CAP1: variants seen among roughly 807,000 people sequenced by gnomAD.
CAP1 encodes adenylyl cyclase-associated protein 1.
In CAP1, 11 loss-of-function variants were observed where a neutral mutation model predicts 58.2. That is an observed-to-expected ratio of 0.19 (90% CI 0.12 to 0.31). The LOEUF (loss-of-function observed/expected upper bound fraction) is 0.31, where lower values mean the gene tolerates loss of function less well. CAP1 is among the 10% of genes least tolerant of loss of function. The pLI is 1.00. For missense variants in CAP1, 423 were observed against 587.5 expected, an observed-to-expected ratio of 0.72 and a Z score of 2.89; for synonymous variants, 183 against 213.8, an observed-to-expected ratio of 0.86 and a Z score of 1.26.
intron 1 of CAP1, among the ~76,000 whole-genome samples, chr1:40,055,120 A>G (rs141236465): frequency 1.8e-3 from 276 of 152,326 alleles, no homozygotes; most frequent in African/African-American, 6.1e-3. Flanking sequence ...AAAACATCTA[A>G]GCAGAGTGGA....
At chr1:40,046,710 T>C (rs1157967102) in intron 1 of CAP1, among the ~76,000 whole-genome samples, 1 of 152,178 alleles carries the variant, frequency 6.6e-6, no homozygotes, top group East Asian at 1.9e-4. Flanking sequence ...ACCTGTATAG[T>C]ATGTTACTGT....
At chr1:40,054,983 C>T (rs1458820078) in intron 1 of CAP1, among the ~76,000 whole-genome samples, 4 of 152,120 alleles carry the variant, frequency 2.6e-5, no homozygotes, top group African/African-American at 9.7e-5. Flanking sequence ...CCAGTGTGTG[C>T]AGTGTTGTGA....
rs979009770 is a variant in CAP1 at position 40,063,094 on chromosome 1, T to G, written c.295-1133T>G. ...CTCACTGAAGCCTTGACCTCCCAGG[T>G]GTAATGATCCTCCCACCTCAGCCTC... On this transcript the variant is annotated intron_variant, in intron 4 of 12. Coordinates refer to ENST00000372805, the MANE Select transcript of CAP1 (RefSeq NM_006367.4). 6.6e-5 allele frequency among the ~76,000 whole-genome samples: 10 copies of G among 152,108 alleles called. 1 individual carries two copies. The South Asian group carries it at 1.7e-3, about 25-fold the overall frequency.
chr1:40,067,797 C>G (rs897601778), intron 8 of CAP1, 80 bp downstream of exon 8: 1 of 1,037,478 alleles, frequency 9.6e-7, no homozygotes, highest in Non-Finnish European at 1.4e-6. Flanking sequence ...CGTCTGTAAA[C>G]TACAACCCTG....
At position 40,067,707 on chromosome 1, in the gene CAP1, C is replaced by G. The variant is rs766211189; in HGVS notation, c.798C>G (p.Ser266Arg). 1.1e-4 allele frequency: 181 copies of G among 1,599,284 alleles called. No homozygotes were observed. Among genetic ancestry groups the G allele is most frequent in the Non-Finnish European group, 1.4e-4 (169 of 1,172,718 alleles). Residue 266 changes from serine (S) to arginine (R), a missense_variant, in exon 8 of 13, where the codon AGC (serine) becomes AGG (arginine). Transcript: ENST00000372805. The stretch of plus-strand genomic sequence containing the variant: ...TCGCGCAGATTAATCAGGGGGAGAG[C>G]ATTACACATGGTGAGTGAGCACTTG... The part of the protein sequence containing the change: ...SLFAQINQGE[S>R]ITHALKHVSD...
chr1:40,068,920 C>G (rs1266033658), intron 8 of CAP1, among the ~76,000 whole-genome samples: 2 of 151,974 alleles, frequency 1.3e-5, no homozygotes, highest in Non-Finnish European at 2.9e-5. Context: ...GCAATCTCTG[C>G]CTCCCAGGTT....
chr1:40,045,996 C>A (rs1646080904), intron 1 of CAP1, among the ~76,000 whole-genome samples: 1 of 152,162 alleles, frequency 6.6e-6, no homozygotes, highest in South Asian at 2.1e-4. Context: ...CAGATGTGAT[C>A]TTAAGAGAAG....
At position 40,040,758 on chromosome 1, in the gene CAP1, G is replaced by C. The variant is rs968983481; in HGVS notation, c.-54G>C. The C allele has an allele frequency of 6.5e-6, 1 of 153,124 alleles. No homozygotes were observed. Among genetic ancestry groups the C allele is most frequent in the East Asian group, 1.9e-4 (1 of 5,198 alleles). 9.5% of individuals were successfully genotyped at this position (153,124 alleles called of 1,614,324 possible). A position where few individuals can be genotyped will look rare whatever the true frequency, so the allele number is the denominator to read the frequency against. On this transcript the variant is annotated 5_prime_UTR_variant, in exon 1 of 13. Coordinates refer to ENST00000372805, the MANE Select transcript of CAP1 (RefSeq NM_006367.4). ...TTGCTGGGCGGTTCTTGCCGGAAGC[G>C]GAGAGCGGCTGATCGCAGTCCGGAG...
chr1:40,065,896 C>T (rs949634136), intron 6 of CAP1, among the ~76,000 whole-genome samples: 10 of 151,642 alleles, frequency 6.6e-5, no homozygotes, highest in Non-Finnish European at 1.0e-4. Flanking sequence ...TTAAGGTCTA[C>T]TTTGAAAAAA....
Position 40,070,980 on chromosome 1 carries a change from G to T in CAP1, c.1344+1G>T, listed in dbSNP as rs1647836792. The T allele has an allele frequency of 6.2e-7, 1 of 1,608,842 alleles. No individual in the cohort carries two copies. ...CATTCCTACAGAAGGCGGTGACTTTGTAAGTTTCTTGATCTCTTTAGTATG... is the reference window on the plus strand; with the variant it reads ...CATTCCTACAGAAGGCGGTGACTTTTTAAGTTTCTTGATCTCTTTAGTATG... On this transcript the variant is annotated splice_donor_variant, in intron 12 of 12. Coordinates refer to ENST00000372805, the MANE Select transcript of CAP1 (RefSeq NM_006367.4). LOFTEE classifies it high-confidence loss of function.
At chr1:40,052,730 T>C (rs545293599) in intron 1 of CAP1, among the ~76,000 whole-genome samples, 142 of 152,046 alleles carry the variant, frequency 9.3e-4, no homozygotes, top group Non-Finnish European at 1.6e-3. Flanking sequence ...TTTCCAAATA[T>C]GTCTCATCTA....
At chr1:40,040,471 G>C (rs1271948009), upstream of CAP1, 8 of 152,352 alleles carry the variant, frequency 5.3e-5, no homozygotes, top group Non-Finnish European at 8.8e-5. Context: ...ATTCCGGGTA[G>C]GTAAAGCGGA....
At chr1:40,044,788 CTTTTTT>C (rs71060347) in intron 1 of CAP1, among the ~76,000 whole-genome samples, 1 of 85,236 alleles carries the variant, frequency 1.2e-5, no homozygotes, top group Non-Finnish European at 2.2e-5. Context: ...CCATATAATT[CTTTTTT>C]TTTTTTTTTT....
intron 1 of CAP1, among the ~76,000 whole-genome samples, chr1:40,057,666 C>A (rs1646676853): frequency 6.6e-6 from 1 of 152,012 alleles, no homozygotes; most frequent in South Asian, 2.1e-4. Context: ...ACAGGGAGGA[C>A]AATGTGTTAA....
intron 1 of CAP1, among the ~76,000 whole-genome samples, chr1:40,057,821 G>A (rs1215600231): frequency 6.6e-6 from 1 of 152,174 alleles, no homozygotes; most frequent in African/African-American, 2.4e-5. Context: ...TTGTGAAATG[G>A]AATCTTTCCA....
chr1:40,057,633 C>T (rs1646674852), intron 1 of CAP1: 1 of 152,004 alleles, frequency 6.6e-6, no homozygotes, highest in African/African-American at 2.4e-5. Flanking sequence ...CTTACTTTAT[C>T]TTGTGAGCTG....
chr1:40,061,887 T>C, intron 4 of CAP1, 75 bp downstream of exon 4: 2 of 1,130,078 alleles, frequency 1.8e-6, no homozygotes, highest in Non-Finnish European at 2.7e-6. Context: ...CAAGCTATTA[T>C]AACATTTTAA....
intron 3 of CAP1, 23 bp downstream of exon 3, chr1:40,060,193 C>T: frequency 6.3e-7 from 1 of 1,586,640 alleles, no homozygotes; most frequent in Non-Finnish European, 8.6e-7. Context: ...TGCCTTTTTC[C>T]CCTTCTTTTA....
At chr1:40,059,553 T>C in intron 2 of CAP1, 95 bp downstream of exon 2, 1 of 721,974 alleles carries the variant, frequency 1.4e-6, no homozygotes, top group Non-Finnish European at 2.4e-6. Flanking sequence ...TTCCCAAAAC[T>C]TAATCTAGAA....
Sources: allele counts gnomAD v4.1 joint callset (sites outside exome capture counted in the v4.1 genomes callset), GRCh38; gene constraint gnomAD v4.1.1; transcripts MANE v1.5; gene names NCBI Gene and HGNC (gene_info 2026-07-23, HGNC 2026-07-21).